The following TCEA1 variants were observed in gnomAD, a reference collection of about 807,000 sequenced individuals.
TCEA1 encodes transcription elongation factor A1.
TCEA1 carries 21 observed loss-of-function variants against 43.8 expected under a neutral mutation model. The observed-to-expected ratio is 0.48, with a 90% CI of 0.34 to 0.69. The LOEUF is 0.69. Among genes scored for constraint, TCEA1 ranks in the 30% least tolerant of loss-of-function variants. TCEA1 has a pLI of 0.01. For synonymous variants in TCEA1, 104 were observed against 117.5 expected (o/e 0.88, Z 0.75); for missense variants, 250 against 365.1 (o/e 0.68, Z 2.57).
intron 2 of TCEA1, among the ~76,000 whole-genome samples, chr8:54,005,033 ACT>A (rs1804396653): frequency 2.0e-5 from 3 of 151,790 alleles, no homozygotes; most frequent in Admixed American, 6.6e-5. Flanking sequence ...CCCACCTTCT[ACT>A]CTCTCACTCT....
intron 1 of TCEA1, among the ~76,000 whole-genome samples, chr8:54,012,420 C>T (rs568005168): frequency 1.6e-4 from 24 of 152,182 alleles, no homozygotes; most frequent in African/African-American, 5.5e-4. Flanking sequence ...ATTAGCTGGG[C>T]GTGGTGGCGG....
intron 2 of TCEA1, among the ~76,000 whole-genome samples, chr8:54,001,970 T>C (rs1804278792): frequency 7.8e-6 from 1 of 128,124 alleles, no homozygotes; most frequent in South Asian, 2.6e-4. Context: ...AGTAAAACTG[T>C]CTCTACTAAA....
At position 53,970,327 on chromosome 8, in the gene TCEA1, A is replaced by G. The variant is rs373465789; in HGVS notation, c.897+65T>C. 116 of 1,122,462 alleles carry G rather than the reference A, an allele frequency of 1.0e-4. No individual in the cohort carries two copies. The African/African-American group carries it at 1.6e-3, about 15-fold the overall frequency. 69.5% of individuals were successfully genotyped at this position (1,122,462 alleles called of 1,614,324 possible). On this transcript the variant is annotated intron_variant, in intron 9 of 9. Coordinates refer to ENST00000521604, the MANE Select transcript of TCEA1 (RefSeq NM_006756.4). ...ATTTAGATATCTAGGCAGACCTATG[A>G]AAAGACCAGAAGAAATCTTTCTATT... is the stretch of plus-strand genomic sequence containing the variant.
chr8:53,987,033 T>C lies in TCEA1; in HGVS notation c.467-8A>G, dbSNP rs767890150. 5.7e-6 allele frequency: 9 copies of C among 1,588,244 alleles called. No homozygotes were observed. Among genetic ancestry groups the C allele is most frequent in the Middle Eastern group, 1.7e-4 (1 of 6,020 alleles). On this transcript the variant is annotated splice_region_variant and splice_polypyrimidine_tract_variant and intron_variant, in intron 5 of 9. Coordinates refer to ENST00000521604, the MANE Select transcript of TCEA1 (RefSeq NM_006756.4). ...CAATTGCAATGTAGTCATCTAAAAA[T>C]AGGCATAAAGAATTGTCAAATTATT...
At chr8:53,983,237 T>C (rs1381142240) in intron 7 of TCEA1, among the ~76,000 whole-genome samples, 4 of 152,234 alleles carry the variant, frequency 2.6e-5, no homozygotes, top group African/African-American at 7.2e-5. Flanking sequence ...TAGTAGATTA[T>C]AGTATAAGCA....
At chr8:54,006,176 C>T (rs1409897649) in intron 2 of TCEA1, among the ~76,000 whole-genome samples, 1 of 152,178 alleles carries the variant, frequency 6.6e-6, no homozygotes, top group Non-Finnish European at 1.5e-5. Flanking sequence ...TTCTTTCCCC[C>T]AGATGAACAC....
intron 3 of TCEA1, chr8:53,999,585 A>G (rs1804187778): frequency 4.7e-6 from 1 of 211,304 alleles, no homozygotes. Flanking sequence ...AAAATTGATG[A>G]TATGGATAAA....
intron 1 of TCEA1, 23 bp downstream of exon 1, chr8:54,022,039 GC>G (rs781165917): frequency 3.8e-6 from 6 of 1,578,694 alleles, no homozygotes; most frequent in Non-Finnish European, 1.7e-6. Context: ...CTCCCTCCCG[GC>G]CCGCGCCGCT....
chr8:53,995,780 A>T (rs1179150317), intron 3 of TCEA1, among the ~76,000 whole-genome samples: 1 of 152,222 alleles, frequency 6.6e-6, no homozygotes, highest in East Asian at 1.9e-4. Context: ...ACTCTAATAT[A>T]TAGTTGTCTG....
At position 53,992,594 on chromosome 8, in the gene TCEA1, G is replaced by A. The variant is rs146312669; in HGVS notation, c.320+1074C>T. 7.9e-5 allele frequency among the ~76,000 whole-genome samples: 12 copies of A among 152,328 alleles called. No individual in the cohort carries two copies. In the East Asian group the frequency reaches 2.3e-3, roughly 29 times the overall value. On this transcript the variant is annotated intron_variant, in intron 4 of 9. Transcript: ENST00000521604. ...CCACTGCACTCCAGAGTGGGCGGCAGAGCAAGACTCTGTCTCAAAACAGGT... is the reference window on the plus strand; with the variant it reads ...CCACTGCACTCCAGAGTGGGCGGCAAAGCAAGACTCTGTCTCAAAACAGGT...
At chr8:53,999,288 T>C (rs945082160) in intron 3 of TCEA1, among the ~76,000 whole-genome samples, 2 of 149,526 alleles carry the variant, frequency 1.3e-5, no homozygotes, top group Non-Finnish European at 3.0e-5. Flanking sequence ...GATCTTTTCC[T>C]GAAGGTAGAA....
chr8:54,012,288 G>A (rs551102188), intron 1 of TCEA1, among the ~76,000 whole-genome samples: 4 of 152,212 alleles, frequency 2.6e-5, no homozygotes, highest in African/African-American at 7.2e-5. Flanking sequence ...AAGGCCGGGC[G>A]CAGTGGCTCA....
chr8:53,987,113 C>T, intron 5 of TCEA1, 88 bp from the exon 6 acceptor site: 5 of 1,095,708 alleles, frequency 4.6e-6, no homozygotes, highest in Middle Eastern at 2.0e-4. Flanking sequence ...ATTCCTATTT[C>T]TTAAACCCCA....
At chr8:54,010,297 T>TA in intron 2 of TCEA1, 133 bp downstream of exon 2, 1 of 688,786 alleles carries the variant, frequency 1.5e-6, no homozygotes, top group Non-Finnish European at 2.4e-6. Context: ...ATTGCCATCT[T>TA]TAAAAAAAAA....
intron 3 of TCEA1, among the ~76,000 whole-genome samples, chr8:53,995,900 G>A (rs192928261): frequency 1.1e-4 from 16 of 152,224 alleles, no homozygotes; most frequent in Non-Finnish European, 1.6e-4. Flanking sequence ...GATAAAACAC[G>A]CACATACACT....
chr8:53,972,743 C>T, intron 8 of TCEA1: 1 of 700,720 alleles, frequency 1.4e-6, no homozygotes, highest in South Asian at 1.4e-5. Flanking sequence ...GTTATCAACT[C>T]AAATGACTGA....
intron 8 of TCEA1, among the ~76,000 whole-genome samples, chr8:53,974,549 C>T (rs75050478): frequency 4.7e-5 from 7 of 149,922 alleles, no homozygotes; most frequent in African/African-American, 1.7e-4. Flanking sequence ...GGGGGGGGGA[C>T]GGAGTTTCAT....
At chr8:53,977,187 G>T (rs1180229167) in intron 8 of TCEA1, among the ~76,000 whole-genome samples, 1 of 152,162 alleles carries the variant, frequency 6.6e-6, no homozygotes, top group African/African-American at 2.4e-5. Context: ...AGGCGTTGTG[G>T]TGGGTGCCTG....
intron 1 of TCEA1, among the ~76,000 whole-genome samples, chr8:54,019,567 C>CAAA (rs1364478794): frequency 1.5e-5 from 1 of 68,050 alleles, no homozygotes; most frequent in African/African-American, 5.0e-5. Context: ...GACACTGTCT[C>CAAA]AAAAAAAAAA....
Sources: allele counts gnomAD v4.1 joint callset (sites outside exome capture counted in the v4.1 genomes callset), GRCh38; gene constraint gnomAD v4.1.1; transcripts MANE v1.5; gene names NCBI Gene and HGNC (gene_info 2026-07-23, HGNC 2026-07-21).